IFT46: variants seen among roughly 807,000 people sequenced by gnomAD.
The protein encoded by IFT46 is intraflagellar transport 46.
A neutral mutation model predicts 39.6 loss-of-function variants in IFT46; 19 were observed. That is an observed-to-expected ratio of 0.48 (90% confidence interval 0.33 to 0.70). The LOEUF (loss-of-function observed/expected upper bound fraction) is 0.70, where lower values mean the gene tolerates loss of function less well. Ranked by LOEUF, IFT46 falls within the 30% of genes least tolerant of loss-of-function variation. IFT46 has a pLI of 0.01. For missense variants in IFT46, 334 were observed against 364.8 expected (o/e 0.92, Z 0.69); for synonymous variants, 117 against 134.8 (o/e 0.87, Z 0.91).
At chr11:118,563,174 G>T (rs1938119737) in intron 2 of IFT46, among the ~76,000 whole-genome samples, 1 of 148,784 alleles carries the variant, frequency 6.7e-6, no homozygotes, top group South Asian at 2.1e-4. Flanking sequence ...AATAAGTGAA[G>T]TAAGTCAGCC....
At chr11:118,553,416 G>C (rs569291505) in intron 7 of IFT46, among the ~76,000 whole-genome samples, 1 of 151,268 alleles carries the variant, frequency 6.6e-6, no homozygotes, top group Admixed American at 6.6e-5. Flanking sequence ...ACTCCAGCCT[G>C]GGCAACAAGA....
chr11:118,545,658 C>T, intron 10 of IFT46, 135 bp downstream of exon 10: 1 of 1,143,920 alleles, frequency 8.7e-7, no homozygotes, highest in African/African-American at 1.5e-5. Flanking sequence ...CCTTTGAGTG[C>T]TGCCAAAGAG....
upstream of IFT46, among the ~76,000 whole-genome samples, chr11:118,567,478 C>T (rs1591374556): frequency 6.6e-6 from 1 of 151,698 alleles, no homozygotes; most frequent in Admixed American, 6.6e-5. Context: ...CAGGAGGCTG[C>T]GGCAGGAGAA....
At chr11:118,550,647 A>G (rs1951786524) in intron 9 of IFT46, among the ~76,000 whole-genome samples, 1 of 152,184 alleles carries the variant, frequency 6.6e-6, no homozygotes, top group Admixed American at 6.5e-5. Flanking sequence ...AAATTCACAT[A>G]TGTATACAGT....
In IFT46 at chr11:118,552,347, A is replaced by G; in HGVS notation, c.484-12T>C. 1 of 1,613,858 alleles carries G rather than the reference A, an allele frequency of 6.2e-7. No homozygotes were observed. Among genetic ancestry groups the G allele is most frequent in the African/African-American group, 1.3e-5 (1 of 75,028 alleles). Reference sequence around the variant, plus strand: ...ACTTTCATATGTTGCTAGGAAAGTAAGGAGAAAGCCTAGCTGATGGCACTG... The same window carrying G: ...ACTTTCATATGTTGCTAGGAAAGTAGGGAGAAAGCCTAGCTGATGGCACTG... On this transcript the variant is annotated splice_polypyrimidine_tract_variant and intron_variant, in intron 7 of 11. Transcript: ENST00000264021.
At chr11:118,545,671 C>T (rs1254873255) in intron 10 of IFT46, 122 bp downstream of exon 10, 1 of 1,216,438 alleles carries the variant, frequency 8.2e-7, no homozygotes, top group Non-Finnish European at 1.2e-6. Flanking sequence ...CCAAAGAGCA[C>T]AACGGGCTTA....
Position 118,555,606 on chromosome 11 carries a change from G to C in IFT46, c.186-284C>G, listed in dbSNP as rs1205198306. On this transcript the variant is annotated intron_variant, in intron 4 of 11. Transcript: ENST00000264021. ...ATGGTTTTCCTTTTTTTTAATGAAA[G>C]GATGACAAGAAAAGGTAGAACAAGA... The C allele has an allele frequency of 1.3e-5, 4 of 304,280 alleles. No individual in the cohort carries two copies. In the Admixed American group the frequency reaches 1.4e-4, roughly 11 times the overall value. 18.8% of individuals were successfully genotyped at this position (304,280 alleles called of 1,614,324 possible). A position where few individuals can be genotyped will look rare whatever the true frequency, so the allele number is the denominator to read the frequency against.
chr11:118,556,307 C>A lies in IFT46; in HGVS notation c.185+599G>T, dbSNP rs940566181. On this transcript the variant is annotated intron_variant, in intron 4 of 11. Transcript: ENST00000264021. ...GAGATCGAGACCATCCTGGCTAACACGGTGAAACCTCGTCTCTATTAAAAA... is the reference window on the plus strand; with the variant it reads ...GAGATCGAGACCATCCTGGCTAACAAGGTGAAACCTCGTCTCTATTAAAAA... Among the ~76,000 whole-genome samples the A allele has an allele frequency of 7.9e-5, 12 of 152,080 alleles. No homozygotes were observed. In the East Asian group the frequency reaches 2.3e-3, roughly 29 times the overall value.
chr11:118,562,545 C>T (rs1434861875), intron 2 of IFT46, among the ~76,000 whole-genome samples: 1 of 151,994 alleles, frequency 6.6e-6, no homozygotes, highest in African/African-American at 2.4e-5. Context: ...GCAAATTAAA[C>T]CCTTTTTTTA....
Position 118,555,006 on chromosome 11 carries a change from A to G in IFT46, c.338T>C (p.Ile113Thr), listed in dbSNP as rs1282670051. 2.5e-6 allele frequency: 4 copies of G among 1,611,874 alleles called. No individual in the cohort carries two copies. The African/African-American group carries it at 4.0e-5, about 16-fold the overall frequency. ...TGACTATACCTTTAAGAATGCATCAATATCCCCGACAGCTGGGATAAAATC... is the reference window on the plus strand; with the variant it reads ...TGACTATACCTTTAAGAATGCATCAGTATCCCCGACAGCTGGGATAAAATC... Reference protein sequence around the residue: ...IPDFIPAVGDIDAFLKVPRPD... With the variant: ...IPDFIPAVGDTDAFLKVPRPD... Residue 113 changes from isoleucine to threonine, a missense_variant, in exon 6 of 12, where the codon ATT becomes ACT. Physicochemically the swap from Ile to Thr is moderately conservative, Grantham distance 89. Coordinates refer to ENST00000264021, the MANE Select transcript of IFT46 (RefSeq NM_001168618.2).
chr11:118,547,524 T>C (rs1403793754), intron 9 of IFT46, among the ~76,000 whole-genome samples: 1 of 152,162 alleles, frequency 6.6e-6, no homozygotes, highest in Non-Finnish European at 1.5e-5. Context: ...ATTCAAGCAA[T>C]TCTCCTGTCT....
chr11:118,544,979 T>C lies in IFT46; in HGVS notation c.852A>G (p.Ala284=). ...AGGTGGAATTGGATGAAGGAGTGAA[T>C]GCTTTCTTGCCTTCAGCGAGAGCTT... ...HFKALAEGKK[A]FTPSSNSTSQ... Residue 284 remains alanine, a synonymous_variant, in exon 12 of 12, where the codon GCA becomes GCG. Transcript: ENST00000264021. The C allele has an allele frequency of 6.2e-7, 1 of 1,613,570 alleles. No homozygotes were observed. Among genetic ancestry groups the C allele is most frequent in the East Asian group, 2.2e-5 (1 of 44,894 alleles).
At chr11:118,572,343 GC>G (rs1171051447) in intron 1 of IFT46, 145 of 149,550 alleles carry the variant, frequency 9.7e-4, no homozygotes, top group African/African-American at 4.6e-3. Context: ...CAGCCCACAG[GC>G]CCCGCCCCCC....
intron 2 of IFT46, among the ~76,000 whole-genome samples, chr11:118,563,060 G>T (rs1363089751): frequency 6.8e-6 from 1 of 147,722 alleles, no homozygotes; most frequent in African/African-American, 2.5e-5. Flanking sequence ...GCGAAATTCA[G>T]TCTCAAAAAA....
At chr11:118,572,649 G>A in exon 1 of IFT46, 22 of 1,494,968 alleles carry the variant, frequency 1.5e-5, no homozygotes, top group Non-Finnish European at 2.0e-5. Context: ...CCCGCCCTGA[G>A]GGTCTAGGGC....
chr11:118,545,713 C>T, intron 10 of IFT46, 80 bp downstream of exon 10: 1 of 1,434,038 alleles, frequency 7.0e-7, no homozygotes, highest in Non-Finnish European at 9.8e-7. Context: ...ATACTATCTT[C>T]CCAGAGTAAA....
At position 118,560,754 on chromosome 11, in the gene IFT46, G is replaced by A. The variant is rs1330021829; in HGVS notation, c.-35-890C>T. 7 of 685,826 alleles carry A rather than the reference G, an allele frequency of 1.0e-5. No homozygotes were observed. In the Admixed American group the frequency reaches 1.2e-4, roughly 12 times the overall value. 42.5% of individuals were successfully genotyped at this position (685,826 alleles called of 1,614,324 possible). A position where few individuals can be genotyped will look rare whatever the true frequency, so the allele number is the denominator to read the frequency against. On this transcript the variant is annotated intron_variant, in intron 2 of 11. Transcript: ENST00000264021. ...AAGAGATACCAAGTGAAATTTAGAA[G>A]ACGACGAGAGGGTAAAACTGGTTAC...
Position 118,565,777 on chromosome 11 carries a change from G to A in IFT46, c.-133+13C>T, listed in dbSNP as rs1555071365. The A allele has an allele frequency of 6.6e-6, 1 of 152,550 alleles. No individual in the cohort carries two copies. Among genetic ancestry groups the A allele is most frequent in the Non-Finnish European group, 1.5e-5 (1 of 68,064 alleles). 9.4% of individuals were successfully genotyped at this position (152,550 alleles called of 1,614,324 possible). Reference sequence around the variant, plus strand: ...AAGACAGTTCCCTTTTTGCTGGGATGAGTACTAATTACCTGTAGCCCTTCT... The same window carrying A: ...AAGACAGTTCCCTTTTTGCTGGGATAAGTACTAATTACCTGTAGCCCTTCT... On this transcript the variant is annotated intron_variant, in intron 1 of 11. Transcript: ENST00000264021.
intron 9 of IFT46, among the ~76,000 whole-genome samples, chr11:118,547,751 T>C (rs868915413): frequency 0.012 from 1,728 of 144,486 alleles, 38 homozygotes; most frequent in African/African-American, 0.04. Context: ...TTTCTTTTTT[T>C]TTTTTTTTTT....
Sources: allele counts gnomAD v4.1 joint callset (sites outside exome capture counted in the v4.1 genomes callset), GRCh38; gene constraint gnomAD v4.1.1; transcripts MANE v1.5; gene names NCBI Gene and HGNC (gene_info 2026-07-23, HGNC 2026-07-21).